The following HS3ST3A1 variants were observed in gnomAD, a reference collection of about 807,000 sequenced individuals.
HS3ST3A1 encodes the protein heparan sulfate-glucosamine 3-sulfotransferase 3A1.
Under a neutral mutation model 25.7 loss-of-function variants are expected in HS3ST3A1, and 19 were observed. That is an observed-to-expected ratio of 0.74 (90% CI 0.52 to 1.08). The LOEUF (loss-of-function observed/expected upper bound fraction) is 1.08. Among genes scored for constraint, HS3ST3A1 ranks in the 50% least tolerant of loss-of-function variants. HS3ST3A1 has a pLI of 0.00. For synonymous variants in HS3ST3A1, 226 were observed against 278.6 expected, an observed-to-expected ratio of 0.81 and a Z score of 1.88; for missense variants, 459 against 594.3, an observed-to-expected ratio of 0.77 and a Z score of 2.37.
At chr17:13,588,339 G>A (rs1324369619) in intron 1 of HS3ST3A1, among the ~76,000 whole-genome samples, 2 of 152,004 alleles carry the variant, frequency 1.3e-5, no homozygotes, top group African/African-American at 4.8e-5. Context: ...TAAACTCATA[G>A]TGAGTCTATT....
At chr17:13,570,293 T>C (rs930168943) in intron 1 of HS3ST3A1, among the ~76,000 whole-genome samples, 2 of 152,230 alleles carry the variant, frequency 1.3e-5, no homozygotes, top group Non-Finnish European at 2.9e-5. Flanking sequence ...TGTTTCCTTC[T>C]TGAACTAAGT....
intron 1 of HS3ST3A1, among the ~76,000 whole-genome samples, chr17:13,572,759 C>T (rs922034417): frequency 3.3e-5 from 5 of 152,174 alleles, no homozygotes; most frequent in Non-Finnish European, 5.9e-5. Flanking sequence ...TGAGTTTTTA[C>T]CATGTGCAAG....
intron 1 of HS3ST3A1, among the ~76,000 whole-genome samples, chr17:13,594,202 C>T (rs1265949056): frequency 1.3e-5 from 2 of 152,186 alleles, no homozygotes; most frequent in Admixed American, 6.5e-5. Context: ...CTCAACACAA[C>T]AGGGAATGCT....
chr17:13,521,864 G>A (rs188157881), intron 1 of HS3ST3A1, among the ~76,000 whole-genome samples: 56 of 152,278 alleles, frequency 3.7e-4, no homozygotes, highest in African/African-American at 1.2e-3. Context: ...GACGTTCCAG[G>A]ATGGATAATT....
rs946911325 is a variant in HS3ST3A1 at position 13,601,218 on chromosome 17, C to T, written c.-89G>A. The T allele has an allele frequency of 7.8e-6, 8 of 1,031,746 alleles. No individual in the cohort carries two copies. In the South Asian group the frequency reaches 1.5e-4, roughly 19 times the overall value. The allele number at this position is 1,031,746 out of a possible 1,614,324, so 63.9% of individuals were successfully genotyped here. ...AGAGCATCCCCCCGGCGGGCCAGCGCGCTGGACGGAGGCCACATCGCCGTG... is the reference window on the plus strand; with the variant it reads ...AGAGCATCCCCCCGGCGGGCCAGCGTGCTGGACGGAGGCCACATCGCCGTG... On this transcript the variant is annotated 5_prime_UTR_variant, in exon 1 of 2. Coordinates refer to ENST00000284110, the MANE Select transcript of HS3ST3A1 (RefSeq NM_006042.3).
chr17:13,557,279 C>T (rs1344450176), intron 1 of HS3ST3A1, among the ~76,000 whole-genome samples: 5 of 152,200 alleles, frequency 3.3e-5, no homozygotes, highest in African/African-American at 1.2e-4. Flanking sequence ...TTATCTGAGG[C>T]GAATCACACA....
intron 1 of HS3ST3A1, among the ~76,000 whole-genome samples, chr17:13,591,545 C>T (rs895772575): frequency 2.6e-5 from 4 of 151,952 alleles, no homozygotes; most frequent in Admixed American, 1.3e-4. Flanking sequence ...AAAATGAAGG[C>T]GGTTTTAGTT....
chr17:13,587,682 A>G (rs1317487385), intron 1 of HS3ST3A1, among the ~76,000 whole-genome samples: 4 of 152,166 alleles, frequency 2.6e-5, no homozygotes, highest in African/African-American at 9.7e-5. Flanking sequence ...TATAAACTAA[A>G]CACACTCAAG....
chr17:13,601,135 C>T lies in HS3ST3A1; in HGVS notation c.-6G>A. 6.6e-7 allele frequency: 1 copy of T among 1,520,314 alleles called. No individual in the cohort carries two copies. The highest frequency in any genetic ancestry group is 8.8e-7 in the Non-Finnish European group (1 of 1,137,430). 94.2% of individuals were successfully genotyped at this position (1,520,314 alleles called of 1,614,324 possible). On this transcript the variant is annotated 5_prime_UTR_variant, in exon 1 of 2. Coordinates refer to ENST00000284110, the MANE Select transcript of HS3ST3A1 (RefSeq NM_006042.3). ...GCCGGGCCCGGAGGGGCCATCCTAG[C>T]CGGAGGCGACGTCGGGCAACGCGCC...
intron 1 of HS3ST3A1, among the ~76,000 whole-genome samples, chr17:13,555,639 C>T (rs1285962269): frequency 6.6e-6 from 1 of 152,128 alleles, no homozygotes; most frequent in African/African-American, 2.4e-5. Flanking sequence ...AGACCTAACA[C>T]CCAAACACAA....
chr17:13,556,713 G>A (rs960626570), intron 1 of HS3ST3A1, among the ~76,000 whole-genome samples: 12 of 150,506 alleles, frequency 8.0e-5, no homozygotes, highest in Admixed American at 3.3e-4. Context: ...TTAGTCAGGC[G>A]TGGTGACAGG....
intron 1 of HS3ST3A1, among the ~76,000 whole-genome samples, chr17:13,571,482 C>T (rs774704298): frequency 1.3e-5 from 2 of 152,188 alleles, no homozygotes; most frequent in Non-Finnish European, 2.9e-5. Flanking sequence ...CTAGATGGCA[C>T]AGGTTACCAA....
chr17:13,496,094 A>G lies in HS3ST3A1; in HGVS notation c.*103T>C. On this transcript the variant is annotated 3_prime_UTR_variant, in exon 2 of 2. Coordinates refer to ENST00000284110, the MANE Select transcript of HS3ST3A1 (RefSeq NM_006042.3). The stretch of plus-strand genomic sequence containing the variant: ...TCTCTTAACATTCATTGAAAAAAAT[A>G]CTGAAACATATTTTCAGCACAAATA... 1.5e-6 allele frequency: 2 copies of G among 1,309,112 alleles called. No homozygotes were observed. Among genetic ancestry groups the G allele is most frequent in the African/African-American group, 1.5e-5 (1 of 67,280 alleles). The allele number at this position is 1,309,112 out of a possible 1,614,324, so 81.1% of individuals were successfully genotyped here. A position where few individuals can be genotyped will look rare whatever the true frequency, so the allele number is the denominator to read the frequency against.
At chr17:13,515,972 A>T (rs1222275868) in intron 1 of HS3ST3A1, among the ~76,000 whole-genome samples, 1 of 152,056 alleles carries the variant, frequency 6.6e-6, no homozygotes, top group Non-Finnish European at 1.5e-5. Context: ...GCCCATTTTT[A>T]CATGGGGCTG....
intron 1 of HS3ST3A1, among the ~76,000 whole-genome samples, chr17:13,506,062 A>G (rs1487834131): frequency 6.7e-6 from 1 of 148,450 alleles, no homozygotes; most frequent in Non-Finnish European, 1.5e-5. Flanking sequence ...TTTCTGTTTC[A>G]GTAGAGTTGG....
intron 1 of HS3ST3A1, among the ~76,000 whole-genome samples, chr17:13,561,583 G>A (rs376014603): frequency 9.9e-5 from 15 of 152,122 alleles, no homozygotes; most frequent in South Asian, 2.1e-4. Context: ...TAGTAGTGAC[G>A]GGGTTTCGCC....
chr17:13,528,099 C>T (rs1301908396), intron 1 of HS3ST3A1, among the ~76,000 whole-genome samples: 1 of 152,018 alleles, frequency 6.6e-6, no homozygotes, highest in African/African-American at 2.4e-5. Context: ...ATTTGGGATC[C>T]AATTCAGAAT....
intron 1 of HS3ST3A1, among the ~76,000 whole-genome samples, chr17:13,574,378 A>G (rs1907896171): frequency 6.6e-6 from 1 of 150,772 alleles, no homozygotes; most frequent in Non-Finnish European, 1.5e-5. Flanking sequence ...CAGCCTCCCA[A>G]GGTGCTGGGA....
chr17:13,557,454 G>C (rs1409863671), intron 1 of HS3ST3A1, among the ~76,000 whole-genome samples: 1 of 126,896 alleles, frequency 7.9e-6, no homozygotes, highest in Non-Finnish European at 1.6e-5. Flanking sequence ...AAGAAGATTT[G>C]TAACAACAAC....
Sources: gnomAD v4.1 joint callset for allele counts (sites outside exome capture counted in the v4.1 genomes callset) on GRCh38, gnomAD v4.1.1 for gene constraint, MANE v1.5 for transcripts, NCBI Gene and HGNC (gene_info 2026-07-23, HGNC 2026-07-21) for gene names.